The following MARCHF1 variants were observed in gnomAD, a reference collection of about 807,000 sequenced individuals.
MARCHF1 encodes E3 ubiquitin-protein ligase MARCHF1.
In MARCHF1, 40 loss-of-function variants were observed where a neutral mutation model predicts 54.2. The ratio of observed to expected loss-of-function variants is 0.74; its 90% CI spans 0.57 to 0.96. MARCHF1 has a LOEUF of 0.96. MARCHF1 is among the 40% of genes least tolerant of loss of function. The pLI is 0.00. For synonymous variants in MARCHF1, 236 were observed against 236.3 expected (o/e 1.00, Z 0.01); for missense variants, 586 against 656.5 (o/e 0.89, Z 1.17).
At chr4:164,141,835 G>C (rs1050845271) in intron 1 of MARCHF1, among the ~76,000 whole-genome samples, 6 of 152,174 alleles carry the variant, frequency 3.9e-5, no homozygotes, top group Non-Finnish European at 5.9e-5. Context: ...GGCCGAATAG[G>C]AACAGCTCCA....
At chr4:163,729,195 A>G (rs890313489) in intron 4 of MARCHF1, among the ~76,000 whole-genome samples, 3 of 152,068 alleles carry the variant, frequency 2.0e-5, no homozygotes, top group Admixed American at 1.3e-4. Flanking sequence ...AGATTCCTCC[A>G]TCTATGTTCC....
At chr4:164,141,086 C>T (rs909480361) in intron 1 of MARCHF1, among the ~76,000 whole-genome samples, 6 of 152,196 alleles carry the variant, frequency 3.9e-5, no homozygotes, top group African/African-American at 1.4e-4. Context: ...CAGTAGATCA[C>T]TTGCTGACTT....
At chr4:164,344,808 C>T (rs1437964332) in intron 1 of MARCHF1, among the ~76,000 whole-genome samples, 2 of 152,120 alleles carry the variant, frequency 1.3e-5, no homozygotes, top group African/African-American at 4.8e-5. Context: ...AAGCAACGCC[C>T]CTGTCCTGAA....
intron 2 of MARCHF1, among the ~76,000 whole-genome samples, chr4:164,023,287 C>T (rs1753703270): frequency 6.6e-6 from 1 of 152,144 alleles, no homozygotes; most frequent in Non-Finnish European, 1.5e-5. Flanking sequence ...CTGAAGGGGG[C>T]TCCTCCAAGG....
intron 1 of MARCHF1, among the ~76,000 whole-genome samples, chr4:164,312,348 A>G (rs1430834550): frequency 8.4e-6 from 1 of 118,658 alleles, no homozygotes; most frequent in Non-Finnish European, 1.7e-5. Flanking sequence ...TTTGAGACGC[A>G]GTCTGGCTCT....
At chr4:164,053,287 T>A (rs1754413374) in intron 2 of MARCHF1, among the ~76,000 whole-genome samples, 1 of 152,206 alleles carries the variant, frequency 6.6e-6, no homozygotes, top group African/African-American at 2.4e-5. Context: ...TTAAACTACA[T>A]GAAATGACCG....
intron 3 of MARCHF1, among the ~76,000 whole-genome samples, chr4:163,980,558 G>T (rs530577399): frequency 6.6e-6 from 1 of 152,218 alleles, no homozygotes; most frequent in Admixed American, 6.5e-5. Flanking sequence ...AGCAAAAGGG[G>T]CCCTTTAATT....
chr4:164,123,706 G>A (rs181661248), intron 1 of MARCHF1, among the ~76,000 whole-genome samples: 5 of 152,186 alleles, frequency 3.3e-5, no homozygotes, highest in Non-Finnish European at 7.4e-5. Context: ...GGAAAAGACA[G>A]TCTCTTCAAT....
intron 1 of MARCHF1, among the ~76,000 whole-genome samples, chr4:164,376,508 T>A (rs1731197328): frequency 6.6e-6 from 1 of 151,738 alleles, no homozygotes; most frequent in Admixed American, 6.6e-5. Context: ...AGAGTAGGAG[T>A]GAGGCACCGG....
chr4:163,693,082 A>G (rs1390029448), intron 5 of MARCHF1, among the ~76,000 whole-genome samples: 1 of 151,404 alleles, frequency 6.6e-6, no homozygotes, highest in African/African-American at 2.4e-5. Context: ...GTGGTTGTCA[A>G]ATATCAGAAC....
At chr4:163,813,727 T>C (rs1251080857) in intron 4 of MARCHF1, among the ~76,000 whole-genome samples, 1 of 152,182 alleles carries the variant, frequency 6.6e-6, no homozygotes, top group Non-Finnish European at 1.5e-5. Context: ...GTAAGTAATA[T>C]AGTTTAAAAA....
intron 2 of MARCHF1, among the ~76,000 whole-genome samples, chr4:164,010,762 A>T (rs1464399027): frequency 1.3e-5 from 2 of 152,106 alleles, no homozygotes; most frequent in Non-Finnish European, 2.9e-5. Flanking sequence ...AATAGAAAAA[A>T]AATCTTAAAA....
At chr4:164,220,780 T>G (rs1278003089) in intron 1 of MARCHF1, among the ~76,000 whole-genome samples, 1 of 145,762 alleles carries the variant, frequency 6.9e-6, no homozygotes, top group Non-Finnish European at 1.5e-5. Flanking sequence ...TATTTTTTTT[T>G]GGAAATAATA....
At chr4:164,273,220 A>G (rs1400645286) in intron 1 of MARCHF1, among the ~76,000 whole-genome samples, 1 of 152,116 alleles carries the variant, frequency 6.6e-6, no homozygotes, top group Non-Finnish European at 1.5e-5. Flanking sequence ...ATCATGGCGG[A>G]AGACAAAGGG....
chr4:163,767,553 C>T (rs1457584552), intron 4 of MARCHF1, among the ~76,000 whole-genome samples: 2 of 152,064 alleles, frequency 1.3e-5, no homozygotes, highest in Non-Finnish European at 2.9e-5. Flanking sequence ...CCAGGATGGT[C>T]TCGATCTCCT....
chr4:164,381,772 T>C (rs1294986719), intron 1 of MARCHF1, among the ~76,000 whole-genome samples: 3 of 152,216 alleles, frequency 2.0e-5, no homozygotes, highest in African/African-American at 4.8e-5. Context: ...TTGAGGAAAG[T>C]AGTCAACATG....
At position 163,819,129 on chromosome 4, in the gene MARCHF1, C is replaced by G. The variant is rs1348908190; in HGVS notation, c.111+34892G>C. 2.0e-5 allele frequency among the ~76,000 whole-genome samples: 3 copies of G among 152,104 alleles called. No homozygotes were observed. The East Asian group carries it at 5.8e-4, about 29-fold the overall frequency. On this transcript the variant is annotated intron_variant, in intron 4 of 9. Transcript: ENST00000514618. ...TCACAGCTTGGAGTTGCCATTTTCT[C>G]TAATGACCACACTTCCAAATCCACC...
At chr4:164,086,832 T>C (rs1158574487) in intron 2 of MARCHF1, among the ~76,000 whole-genome samples, 1 of 152,072 alleles carries the variant, frequency 6.6e-6, no homozygotes, top group Non-Finnish European at 1.5e-5. Context: ...AGAAGATAGA[T>C]GGTGTCTTGA....
chr4:163,741,215 C>T (rs1746185489), intron 4 of MARCHF1, among the ~76,000 whole-genome samples: 1 of 152,156 alleles, frequency 6.6e-6, no homozygotes, highest in African/African-American at 2.4e-5. Flanking sequence ...GAACACTGTT[C>T]TGTTACCCCA....
Sources: allele counts gnomAD v4.1 joint callset (sites outside exome capture counted in the v4.1 genomes callset), GRCh38; gene constraint gnomAD v4.1.1; transcripts MANE v1.5; gene names NCBI Gene and HGNC (gene_info 2026-07-23, HGNC 2026-07-21).